The following TPST1 variants were observed in gnomAD, a reference collection of about 807,000 sequenced individuals.
The protein encoded by TPST1 is tyrosylprotein sulfotransferase 1, also known as protein-tyrosine sulfotransferase 1.
A neutral mutation model predicts 34.8 loss-of-function variants in TPST1; 20 were observed. The ratio of observed to expected loss-of-function variants is 0.57; its 90% confidence interval spans 0.40 to 0.84. The LOEUF (loss-of-function observed/expected upper bound fraction) is 0.84. TPST1 is among the 40% of genes least tolerant of loss of function. The pLI, the probability that TPST1 is intolerant of heterozygous loss-of-function variation, is 0.00. For synonymous variants in TPST1, 152 were observed against 159.4 expected (o/e 0.95, Z 0.35); for missense variants, 353 against 455.5 (o/e 0.78, Z 2.05).
chr7:66,308,600 T>C (rs554502467), intron 3 of TPST1, among the ~76,000 whole-genome samples: 28 of 152,208 alleles, frequency 1.8e-4, no homozygotes, highest in Non-Finnish European at 2.6e-4. Flanking sequence ...CATGTGCCCA[T>C]TGTTTCTGTC....
chr7:66,317,292 A>T (rs769262515), intron 3 of TPST1, among the ~76,000 whole-genome samples: 2 of 152,082 alleles, frequency 1.3e-5, no homozygotes, highest in Admixed American at 6.6e-5. Flanking sequence ...GGATAACCTT[A>T]CTACTGGTTT....
chr7:66,233,048 G>T (rs1405912477), intron 1 of TPST1, among the ~76,000 whole-genome samples: 1 of 151,978 alleles, frequency 6.6e-6, no homozygotes, highest in Non-Finnish European at 1.5e-5. Flanking sequence ...TTTTAAAATT[G>T]TTATTTATCT....
chr7:66,267,882 A>G (rs761043886), intron 2 of TPST1, among the ~76,000 whole-genome samples: 2 of 152,138 alleles, frequency 1.3e-5, no homozygotes, highest in Admixed American at 1.3e-4. Context: ...ACATGTAGCA[A>G]TGAGGTTAGA....
chr7:66,266,516 A>G (rs1256129055), intron 2 of TPST1, among the ~76,000 whole-genome samples: 2 of 152,360 alleles, frequency 1.3e-5, no homozygotes, highest in East Asian at 3.9e-4. Context: ...CCACTCCTAC[A>G]TATATTCACA....
chr7:66,239,973 C>T (rs572651235), intron 1 of TPST1, among the ~76,000 whole-genome samples: 355 of 152,236 alleles, frequency 2.3e-3, no homozygotes, highest in African/African-American at 8.2e-3. Context: ...GCTCTGCCTC[C>T]TGGATTCATG....
chr7:66,242,713 A>T (rs1790061917), intron 2 of TPST1, among the ~76,000 whole-genome samples: 1 of 152,344 alleles, frequency 6.6e-6, no homozygotes, highest in East Asian at 1.9e-4. Context: ...CTAATATAAA[A>T]GGAGGCCATT....
intron 3 of TPST1, among the ~76,000 whole-genome samples, chr7:66,324,800 CAAAAAAAAAAAA>C (rs56389964): frequency 1.3e-4 from 14 of 109,270 alleles, no homozygotes; most frequent in Admixed American, 2.1e-4. Context: ...GACTCTGTCT[CAAAAAAAAAAAA>C]AAAAAAAAAA....
intron 2 of TPST1, among the ~76,000 whole-genome samples, chr7:66,243,296 A>C (rs1390212224): frequency 6.6e-6 from 1 of 152,094 alleles, no homozygotes; most frequent in Non-Finnish European, 1.5e-5. Context: ...AACACTTGGT[A>C]TTTTAGTCTT....
intron 1 of TPST1, among the ~76,000 whole-genome samples, chr7:66,209,220 C>T (rs1484112547): frequency 6.6e-6 from 1 of 152,128 alleles, no homozygotes; most frequent in Non-Finnish European, 1.5e-5. Flanking sequence ...TTACAGTGAG[C>T]TGACTCCAGC....
chr7:66,356,047 AG>A (rs1370054560), intron 4 of TPST1, among the ~76,000 whole-genome samples: 6 of 152,270 alleles, frequency 3.9e-5, no homozygotes. Flanking sequence ...TATTAAAAAA[AG>A]AAACAATCAT....
At chr7:66,310,778 T>C (rs966613612) in intron 3 of TPST1, among the ~76,000 whole-genome samples, 1 of 152,036 alleles carries the variant, frequency 6.6e-6, no homozygotes, top group Non-Finnish European at 1.5e-5. Context: ...CTTCTCACTT[T>C]ATTTCTTGTG....
At chr7:66,220,961 C>T (rs1162697267) in intron 1 of TPST1, among the ~76,000 whole-genome samples, 12 of 151,896 alleles carry the variant, frequency 7.9e-5, no homozygotes, top group Admixed American at 7.2e-4. Flanking sequence ...GGTGAAACCC[C>T]GTCTCTACTA....
At chr7:66,326,700 C>T (rs937296648) in intron 3 of TPST1, among the ~76,000 whole-genome samples, 1 of 152,190 alleles carries the variant, frequency 6.6e-6, no homozygotes, top group Admixed American at 6.5e-5. Context: ...ATTCCCAACT[C>T]AATTCACATT....
chr7:66,294,443 T>C (rs1170403605), intron 3 of TPST1, among the ~76,000 whole-genome samples: 1 of 152,208 alleles, frequency 6.6e-6, no homozygotes, highest in Non-Finnish European at 1.5e-5. Context: ...TTTCATGAGA[T>C]TAATTTCTAT....
At chr7:66,320,966 TAATGTTGATAC>T (rs1791745185) in intron 3 of TPST1, among the ~76,000 whole-genome samples, 1 of 152,270 alleles carries the variant, frequency 6.6e-6, no homozygotes, top group Non-Finnish European at 1.5e-5. Flanking sequence ...GACTCTGTTT[TAATGTTGATAC>T]ACAGTATCTT....
intron 1 of TPST1, among the ~76,000 whole-genome samples, chr7:66,231,643 C>T (rs531922408): frequency 7.9e-5 from 12 of 152,358 alleles, no homozygotes; most frequent in Middle Eastern, 3.4e-3. Context: ...GTGCGGGGCC[C>T]GCCAAGTCCA....
At chr7:66,301,155 T>C (rs894111315) in intron 3 of TPST1, among the ~76,000 whole-genome samples, 4 of 152,184 alleles carry the variant, frequency 2.6e-5, no homozygotes, top group African/African-American at 9.7e-5. Flanking sequence ...GTCTCAACAG[T>C]GGGCTGAAAA....
intron 3 of TPST1, among the ~76,000 whole-genome samples, chr7:66,294,571 AC>A (rs1261372590): frequency 2.6e-5 from 4 of 151,992 alleles, no homozygotes; most frequent in Admixed American, 1.3e-4. Context: ...ATTAAAAAAA[AC>A]AATAATCGCT....
Position 66,234,400 on chromosome 7 carries a change from TAC to T in TPST1, c.-101-5895_-101-5894del, listed in dbSNP as rs56139529. 3.2e-3 allele frequency among the ~76,000 whole-genome samples: 454 copies of T among 142,920 alleles called. 3 individuals carry two copies. The highest frequency in any genetic ancestry group is 5.1e-3 in the East Asian group (25 of 4,880). The allele number at this position is 142,920 out of a possible 152,430, so 93.8% of individuals were successfully genotyped here. On this transcript the variant is annotated intron_variant, in intron 1 of 5. Transcript: ENST00000304842. ...CAAGCTTGAAAAATAAAAGCATGGC[TAC>T]ACACACACACACACACACACACACA...
Sources: allele counts gnomAD v4.1 joint callset (sites outside exome capture counted in the v4.1 genomes callset), GRCh38; gene constraint gnomAD v4.1.1; transcripts MANE v1.5; gene names NCBI Gene and HGNC (gene_info 2026-07-23, HGNC 2026-07-21).